The following LRRC4C variants were observed in gnomAD, a reference collection of about 807,000 sequenced individuals.
The protein encoded by LRRC4C is leucine rich repeat containing 4C.
Under a neutral mutation model 33.6 loss-of-function variants are expected in LRRC4C, and 5 were observed. That is an observed-to-expected ratio of 0.15 (90% confidence interval 0.08 to 0.31). The LOEUF (loss-of-function observed/expected upper bound fraction) is 0.31, where lower values mean the gene tolerates loss of function less well. LRRC4C is among the 10% of genes least tolerant of loss of function. The pLI is 1.00. For synonymous variants in LRRC4C, 329 were observed against 302.0 expected, an observed-to-expected ratio of 1.09 and a Z score of -0.93; for missense variants, 560 against 796.7, an observed-to-expected ratio of 0.70 and a Z score of 3.58.
chr11:41,264,867 G>C (rs985246092), intron 1 of LRRC4C, among the ~76,000 whole-genome samples: 1 of 152,104 alleles, frequency 6.6e-6, no homozygotes, highest in Non-Finnish European at 1.5e-5. Context: ...AGTTAAAATA[G>C]TGTGATGGCA....
chr11:41,341,043 T>C (rs1490710215), intron 1 of LRRC4C, among the ~76,000 whole-genome samples: 1 of 151,210 alleles, frequency 6.6e-6, no homozygotes, highest in Non-Finnish European at 1.5e-5. Context: ...AATGGGAAGG[T>C]AGAGAGAGAA....
At chr11:40,152,766 C>T (rs1054651570) in intron 5 of LRRC4C, among the ~76,000 whole-genome samples, 1 of 152,138 alleles carries the variant, frequency 6.6e-6, no homozygotes, top group Non-Finnish European at 1.5e-5. Flanking sequence ...ACCCCCATCC[C>T]CCACAGCAGC....
In LRRC4C at chr11:40,526,916, G is replaced by A. The variant is rs189919851; in HGVS notation, c.-270+121226C>T. On this transcript the variant is annotated intron_variant, in intron 3 of 6. Coordinates refer to ENST00000528697, the MANE Select transcript of LRRC4C (RefSeq NM_001258419.2). The stretch of plus-strand genomic sequence containing the variant: ...GCAAGAATAAACAGGTAGATGAATA[G>A]AACAGAAGAGTGAATACAGGAATAA... Among the ~76,000 whole-genome samples the A allele has an allele frequency of 8.3e-4, 126 of 152,230 alleles. 1 individual carries two copies. In the Middle Eastern group the frequency reaches 0.014, roughly 16 times the overall value.
intron 1 of LRRC4C, among the ~76,000 whole-genome samples, chr11:41,122,063 C>A (rs1240896907): frequency 1.3e-5 from 2 of 151,906 alleles, no homozygotes; most frequent in Non-Finnish European, 2.9e-5. Flanking sequence ...TCTCATTGCT[C>A]CTAGGAAACA....
chr11:40,754,426 G>A (rs1287411559), intron 2 of LRRC4C, among the ~76,000 whole-genome samples: 1 of 152,128 alleles, frequency 6.6e-6, no homozygotes, highest in African/African-American at 2.4e-5. Context: ...CTCCTCAGGA[G>A]TGACCTCTTA....
chr11:40,981,728 T>A (rs144721502), intron 1 of LRRC4C, among the ~76,000 whole-genome samples: 161 of 152,300 alleles, frequency 1.1e-3, no homozygotes, highest in African/African-American at 3.8e-3. Context: ...AAACCCAATA[T>A]ACCCACCCAC....
chr11:41,151,408 G>T (rs1269562784), intron 1 of LRRC4C, among the ~76,000 whole-genome samples: 2 of 152,328 alleles, frequency 1.3e-5, no homozygotes, highest in African/African-American at 4.8e-5. Flanking sequence ...TCTGACTCAA[G>T]GTGAAGTGGC....
In LRRC4C at chr11:40,181,861, C is replaced by T. The variant is rs546449087; in HGVS notation, c.-95-41008G>A. Among the ~76,000 whole-genome samples, 6 of 152,268 alleles carry T rather than the reference C, an allele frequency of 3.9e-5. No individual in the cohort carries two copies. In the South Asian group the frequency reaches 6.2e-4, roughly 16 times the overall value. ...CTGGTCACCCAAGCACAGCTTACCC[C>T]GGGACTCAGAGTCTGCTCTTCCCTT... On this transcript the variant is annotated intron_variant, in intron 5 of 6. Coordinates refer to ENST00000528697, the MANE Select transcript of LRRC4C (RefSeq NM_001258419.2).
chr11:41,159,233 T>G (rs11036259), intron 1 of LRRC4C, among the ~76,000 whole-genome samples: 7,371 of 152,078 alleles, frequency 0.048, 202 homozygotes, highest in East Asian at 0.07. Context: ...TGAGATTACA[T>G]TGAGCTGTGA....
At chr11:41,290,644 G>A (rs924936351) in intron 1 of LRRC4C, among the ~76,000 whole-genome samples, 4 of 152,218 alleles carry the variant, frequency 2.6e-5, no homozygotes, top group South Asian at 2.1e-4. Flanking sequence ...AATGAAGTAT[G>A]ACTGTCTATA....
At chr11:40,655,933 G>A (rs983329222) in intron 2 of LRRC4C, among the ~76,000 whole-genome samples, 13 of 152,224 alleles carry the variant, frequency 8.5e-5, no homozygotes, top group Admixed American at 3.9e-4. Context: ...GAGATAGAGC[G>A]AAGAGGAAAT....
chr11:40,122,076 T>A (rs1446691900), intron 6 of LRRC4C, among the ~76,000 whole-genome samples: 1 of 152,180 alleles, frequency 6.6e-6, no homozygotes, highest in Non-Finnish European at 1.5e-5. Context: ...CAAAGTTCTA[T>A]CCAGTCTTTC....
At chr11:40,571,806 A>G (rs1957994380) in intron 3 of LRRC4C, among the ~76,000 whole-genome samples, 1 of 152,206 alleles carries the variant, frequency 6.6e-6, no homozygotes, top group Non-Finnish European at 1.5e-5. Flanking sequence ...TGAAGAATGA[A>G]AGCAGGGCAA....
At chr11:40,826,513 T>G (rs956032740) in intron 2 of LRRC4C, among the ~76,000 whole-genome samples, 1 of 151,898 alleles carries the variant, frequency 6.6e-6, no homozygotes, top group Admixed American at 6.6e-5. Context: ...TCCAAAATAT[T>G]ATTCATGATG....
At chr11:40,362,535 C>T (rs1948006288) in intron 3 of LRRC4C, among the ~76,000 whole-genome samples, 1 of 152,128 alleles carries the variant, frequency 6.6e-6, no homozygotes, top group African/African-American at 2.4e-5. Context: ...GTCTGGCCAA[C>T]ATGACAAAAC....
At chr11:40,716,236 G>A (rs776667959) in intron 2 of LRRC4C, among the ~76,000 whole-genome samples, 7 of 152,254 alleles carry the variant, frequency 4.6e-5, no homozygotes, top group Middle Eastern at 3.4e-3. Flanking sequence ...ATGGGTCCAT[G>A]TGCAAGGTCC....
Position 41,295,348 on chromosome 11 carries a change from G to A in LRRC4C, c.-496+164083C>T, listed in dbSNP as rs183100362. On this transcript the variant is annotated intron_variant, in intron 1 of 6. Coordinates refer to ENST00000528697, the MANE Select transcript of LRRC4C (RefSeq NM_001258419.2). ...GAGTCAATAGAATATACAATATGCG[G>A]TAAAAAAAAGCAGATAGTAAATAAA... Among the ~76,000 whole-genome samples, 399 of 152,176 alleles carry A rather than the reference G, an allele frequency of 2.6e-3. 7 individuals carry two copies. Among genetic ancestry groups the A allele is most frequent in the Non-Finnish European group, 7.8e-4 (53 of 68,008 alleles).
At chr11:40,984,407 GAA>G (rs1423022890) in intron 1 of LRRC4C, among the ~76,000 whole-genome samples, 1 of 86,528 alleles carries the variant, frequency 1.2e-5, no homozygotes, top group Non-Finnish European at 3.0e-5. Context: ...AAGAAAGAAA[GAA>G]AGAAAGAGAA....
chr11:40,154,287 C>CAAAAAAAAAAAAAAAAAAAAAAAAAAG (rs60017606), intron 5 of LRRC4C, among the ~76,000 whole-genome samples: 1 of 114,204 alleles, frequency 8.8e-6, no homozygotes, highest in Non-Finnish European at 1.9e-5. Context: ...AGCTAAAAAG[C>CAAAAAAAAAAAAAAAAAAAAAAAAAAG]AAAAAAAAAA....
Sources: allele counts gnomAD v4.1 joint callset (sites outside exome capture counted in the v4.1 genomes callset), GRCh38; gene constraint gnomAD v4.1.1; transcripts MANE v1.5; gene names NCBI Gene and HGNC (gene_info 2026-07-23, HGNC 2026-07-21).